PARD3B: variants seen among roughly 807,000 people sequenced by gnomAD.
PARD3B encodes par-3 family cell polarity regulator beta.
PARD3B carries 103 observed loss-of-function variants against 130.2 expected under a neutral mutation model. That is an observed-to-expected ratio of 0.79 (90% CI 0.67 to 0.93). The LOEUF (loss-of-function observed/expected upper bound fraction) is 0.93. Ranked by LOEUF, PARD3B falls within the 40% of genes least tolerant of loss-of-function variation. The pLI is 0.00. For synonymous variants in PARD3B, 583 were observed against 553.2 expected (o/e 1.05, Z -0.76); for missense variants, 1,609 against 1,499.2 (o/e 1.07, Z -1.21).
At chr2:205,214,354 T>C (rs2037801497) in intron 15 of PARD3B, among the ~76,000 whole-genome samples, 1 of 152,022 alleles carries the variant, frequency 6.6e-6, no homozygotes, top group Non-Finnish European at 1.5e-5. Flanking sequence ...CAACATGAAA[T>C]TGAATTACAT....
chr2:205,260,262 CAACA>C (rs1292123232), intron 16 of PARD3B, among the ~76,000 whole-genome samples: 1 of 152,146 alleles, frequency 6.6e-6, no homozygotes, highest in Non-Finnish European at 1.5e-5. Context: ...GCAACAGCAA[CAACA>C]AACAGTGGCA....
At chr2:204,616,161 A>G (rs2034105089) in intron 1 of PARD3B, among the ~76,000 whole-genome samples, 1 of 152,210 alleles carries the variant, frequency 6.6e-6, no homozygotes, top group South Asian at 2.1e-4. Flanking sequence ...TTTGTGAAAC[A>G]CACGGTGGAG....
chr2:204,816,873 C>T (rs2043167273), intron 2 of PARD3B, among the ~76,000 whole-genome samples: 1 of 151,986 alleles, frequency 6.6e-6, no homozygotes, highest in South Asian at 2.1e-4. Flanking sequence ...GTGTATTCAG[C>T]TCCTTTAAGC....
At chr2:205,504,412 G>A (rs1332242110) in intron 21 of PARD3B, among the ~76,000 whole-genome samples, 3 of 152,134 alleles carry the variant, frequency 2.0e-5, no homozygotes, top group African/African-American at 7.2e-5. Flanking sequence ...TTAAACTAAA[G>A]AGCTTCTGCA....
intron 9 of PARD3B, among the ~76,000 whole-genome samples, chr2:205,124,787 G>A (rs1326274848): frequency 6.6e-6 from 1 of 152,116 alleles, no homozygotes; most frequent in Non-Finnish European, 1.5e-5. Context: ...CATATATTCA[G>A]TTAGGGCTAA....
At chr2:205,436,881 T>C (rs374952594) in intron 19 of PARD3B, among the ~76,000 whole-genome samples, 3 of 152,186 alleles carry the variant, frequency 2.0e-5, no homozygotes, top group East Asian at 3.9e-4. Context: ...ATACTTCTCT[T>C]TTCTCACTAC....
At chr2:205,197,032 G>GGGGGGTGTGT (rs1553636919) in intron 15 of PARD3B, among the ~76,000 whole-genome samples, 2 of 55,258 alleles carry the variant, frequency 3.6e-5, no homozygotes, top group Non-Finnish European at 6.5e-5. Context: ...GTGGGGGGGG[G>GGGGGGTGTGT]GTGTGTGTGT....
At chr2:204,934,713 C>A (rs534569229) in intron 2 of PARD3B, among the ~76,000 whole-genome samples, 55 of 152,190 alleles carry the variant, frequency 3.6e-4, no homozygotes, top group Non-Finnish European at 1.8e-4. Flanking sequence ...AAAACTAGAT[C>A]TCTTGTCTGA....
At chr2:205,247,921 G>C (rs1177448120) in intron 16 of PARD3B, among the ~76,000 whole-genome samples, 1 of 151,526 alleles carries the variant, frequency 6.6e-6, no homozygotes, top group East Asian at 1.9e-4. Flanking sequence ...CCCATTTTTT[G>C]TTTTTTGTTT....
At chr2:204,984,544 T>A (rs2125220604) in intron 3 of PARD3B, among the ~76,000 whole-genome samples, 1 of 152,098 alleles carries the variant, frequency 6.6e-6, no homozygotes, top group East Asian at 1.9e-4. Flanking sequence ...TTAAAATAAA[T>A]GTATGTGTAT....
chr2:205,312,181 G>A (rs1334299130), intron 18 of PARD3B, among the ~76,000 whole-genome samples: 3 of 152,202 alleles, frequency 2.0e-5, no homozygotes, highest in Non-Finnish European at 2.9e-5. Context: ...TCCAGATAGT[G>A]ATTGTAAAAT....
At chr2:205,168,341 C>T in intron 11 of PARD3B, among the ~76,000 whole-genome samples, 1 of 91,208 alleles carries the variant, frequency 1.1e-5, no homozygotes, top group East Asian at 3.4e-4. Context: ...GTGAATATTG[C>T]AAGCATAACC....
Position 205,156,406 on chromosome 2 carries a change from G to C in PARD3B, c.1435-2316G>C, listed in dbSNP as rs983297303. Reference sequence around the variant, plus strand: ...GTGCACATGTACCCTAAAACTTAAAGTATAATAATAATAAAATTTAAAAAA... The same window carrying C: ...GTGCACATGTACCCTAAAACTTAAACTATAATAATAATAAAATTTAAAAAA... On this transcript the variant is annotated intron_variant, in intron 10 of 22. Coordinates refer to ENST00000406610, the MANE Select transcript of PARD3B (RefSeq NM_001302769.2). 2.0e-5 allele frequency among the ~76,000 whole-genome samples: 3 copies of C among 150,982 alleles called. No individual in the cohort carries two copies. The South Asian group carries it at 6.3e-4, about 32-fold the overall frequency.
chr2:204,714,537 GC>G (rs1444215708), intron 2 of PARD3B, among the ~76,000 whole-genome samples: 1 of 152,098 alleles, frequency 6.6e-6, no homozygotes, highest in Non-Finnish European at 1.5e-5. Context: ...TGACACAAAA[GC>G]ACAGTGTGAC....
intron 15 of PARD3B, among the ~76,000 whole-genome samples, chr2:205,199,509 G>A (rs546807611): frequency 5.3e-5 from 8 of 151,534 alleles, no homozygotes; most frequent in Middle Eastern, 3.4e-3. Context: ...ACGCACACAC[G>A]CACACACGTA....
chr2:205,444,837 T>C (rs2047850678), intron 20 of PARD3B, among the ~76,000 whole-genome samples: 1 of 152,206 alleles, frequency 6.6e-6, no homozygotes, highest in Non-Finnish European at 1.5e-5. Flanking sequence ...CATGAGGCTT[T>C]CAAATGCTTC....
At chr2:205,062,366 C>T (rs1327781311) in intron 4 of PARD3B, among the ~76,000 whole-genome samples, 2 of 152,152 alleles carry the variant, frequency 1.3e-5, no homozygotes, top group Non-Finnish European at 2.9e-5. Flanking sequence ...CCTCAGATCA[C>T]ACACTTGTTC....
chr2:204,797,750 C>A (rs2042425564), intron 2 of PARD3B, among the ~76,000 whole-genome samples: 1 of 152,000 alleles, frequency 6.6e-6, no homozygotes, highest in South Asian at 2.1e-4. Context: ...ACGTTTATTG[C>A]CAAATTAGTG....
intron 18 of PARD3B, among the ~76,000 whole-genome samples, chr2:205,400,411 T>C (rs1048931884): frequency 6.6e-6 from 1 of 152,030 alleles, no homozygotes; most frequent in African/African-American, 2.4e-5. Flanking sequence ...GAAGCCAAGG[T>C]GGGCAGATCA....
Sources: allele counts gnomAD v4.1 joint callset (sites outside exome capture counted in the v4.1 genomes callset), GRCh38; gene constraint gnomAD v4.1.1; transcripts MANE v1.5; gene names NCBI Gene and HGNC (gene_info 2026-07-23, HGNC 2026-07-21).